The following LRRC4C variants were observed in gnomAD, a reference collection of about 807,000 sequenced individuals.
LRRC4C encodes the protein leucine rich repeat containing 4C.
LRRC4C carries 5 observed loss-of-function variants against 33.6 expected under a neutral mutation model. The observed-to-expected ratio is 0.15, with a 90% CI of 0.08 to 0.31. The LOEUF (loss-of-function observed/expected upper bound fraction) is 0.31, where lower values mean the gene tolerates loss of function less well. Ranked by LOEUF, LRRC4C falls within the 10% of genes least tolerant of loss-of-function variation. LRRC4C has a pLI of 1.00. For missense variants in LRRC4C, 560 were observed against 796.7 expected (o/e 0.70, Z 3.58); for synonymous variants, 329 against 302.0 (o/e 1.09, Z -0.93).
chr11:40,940,477 A>G (rs1219881624), intron 1 of LRRC4C, among the ~76,000 whole-genome samples: 2 of 152,084 alleles, frequency 1.3e-5, no homozygotes, highest in African/African-American at 2.4e-5. Flanking sequence ...TTTCTTGCCT[A>G]TGTTCTTAGA....
intron 5 of LRRC4C, among the ~76,000 whole-genome samples, chr11:40,192,332 G>A (rs1441360170): frequency 1.3e-5 from 2 of 152,122 alleles, no homozygotes; most frequent in Non-Finnish European, 1.5e-5. Context: ...CAGAAGCAGG[G>A]TTGGGCATCG....
chr11:41,164,999 A>G (rs1187479696), intron 1 of LRRC4C, among the ~76,000 whole-genome samples: 3 of 152,084 alleles, frequency 2.0e-5, no homozygotes, highest in African/African-American at 7.2e-5. Flanking sequence ...GCTCTCCATT[A>G]TCTCAAGTAG....
chr11:40,318,939 C>T (rs969551263), intron 4 of LRRC4C, among the ~76,000 whole-genome samples: 1 of 152,134 alleles, frequency 6.6e-6, no homozygotes, highest in African/African-American at 2.4e-5. Flanking sequence ...TAGAATATTT[C>T]TTCTTAAAGC....
intron 1 of LRRC4C, among the ~76,000 whole-genome samples, chr11:41,262,829 A>G (rs1444251514): frequency 1.3e-5 from 2 of 152,134 alleles, no homozygotes; most frequent in Non-Finnish European, 2.9e-5. Flanking sequence ...TGGCTCTCAG[A>G]GGAACTCAAT....
chr11:40,962,163 A>T (rs748656254), intron 1 of LRRC4C, among the ~76,000 whole-genome samples: 2 of 151,592 alleles, frequency 1.3e-5, no homozygotes, highest in African/African-American at 2.4e-5. Flanking sequence ...CCCGCATCAG[A>T]GAGAGATACA....
rs57515808 is a variant in LRRC4C at position 40,828,152 on chromosome 11, TACAC to T, written c.-407+105479_-407+105482del. 2.1e-3 allele frequency among the ~76,000 whole-genome samples: 310 copies of T among 146,934 alleles called. 2 individuals carry two copies. Among genetic ancestry groups the T allele is most frequent in the African/African-American group, 6.5e-3 (262 of 40,356 alleles). On this transcript the variant is annotated intron_variant, in intron 2 of 6. Transcript: ENST00000528697. ...CCTTTATTTTGTATGTATACAAACA[TACAC>T]ACACACACACACACACACACACTCA...
chr11:41,125,429 T>G (rs1416336646), intron 1 of LRRC4C, among the ~76,000 whole-genome samples: 1 of 152,200 alleles, frequency 6.6e-6, no homozygotes, highest in East Asian at 1.9e-4. Flanking sequence ...TGCCTATTTT[T>G]GTCTGAAACA....
Position 40,760,242 on chromosome 11 carries a change from G to T in LRRC4C, c.-406-111964C>A, listed in dbSNP as rs547407486. On this transcript the variant is annotated intron_variant, in intron 2 of 6. Coordinates refer to ENST00000528697, the MANE Select transcript of LRRC4C (RefSeq NM_001258419.2). The stretch of plus-strand genomic sequence containing the variant: ...ATTTTGTGACATTGAGTAATTTTAT[G>T]AAATTCAGATATCAGTATCCATAAC... Among the ~76,000 whole-genome samples the T allele has an allele frequency of 9.9e-5, 15 of 152,050 alleles. No homozygotes were observed. In the South Asian group the frequency reaches 3.1e-3, roughly 32 times the overall value.
intron 1 of LRRC4C, among the ~76,000 whole-genome samples, chr11:41,202,520 A>C (rs1314919085): frequency 6.6e-6 from 1 of 152,136 alleles, no homozygotes; most frequent in Non-Finnish European, 1.5e-5. Context: ...TATCTTAGGA[A>C]TCTTTACATG....
At chr11:41,314,210 C>T (rs1017657463) in intron 1 of LRRC4C, among the ~76,000 whole-genome samples, 5 of 152,148 alleles carry the variant, frequency 3.3e-5, no homozygotes, top group African/African-American at 4.8e-5. Context: ...TTGCTGAATT[C>T]CTCTTACCAA....
intron 2 of LRRC4C, among the ~76,000 whole-genome samples, chr11:40,806,743 T>C (rs1403336414): frequency 6.6e-6 from 1 of 152,332 alleles, no homozygotes; most frequent in South Asian, 2.1e-4. Flanking sequence ...TTCATTTTAG[T>C]CCCAGAAATG....
chr11:41,158,103 A>T (rs1323778478), intron 1 of LRRC4C, among the ~76,000 whole-genome samples: 2 of 151,954 alleles, frequency 1.3e-5, no homozygotes. Flanking sequence ...TCACGAGTTA[A>T]CACTTTTATT....
chr11:40,483,190 G>A (rs904146583), intron 3 of LRRC4C, among the ~76,000 whole-genome samples: 26 of 152,170 alleles, frequency 1.7e-4, no homozygotes, highest in African/African-American at 6.3e-4. Flanking sequence ...AGAAAATCTC[G>A]AGGAGCACTG....
intron 2 of LRRC4C, among the ~76,000 whole-genome samples, chr11:40,723,639 C>A (rs1274711996): frequency 6.6e-6 from 1 of 152,060 alleles, no homozygotes; most frequent in Non-Finnish European, 1.5e-5. Context: ...AAAAATTACA[C>A]CTCCTACCAC....
At chr11:40,707,431 T>A (rs989817717) in intron 2 of LRRC4C, among the ~76,000 whole-genome samples, 1 of 152,230 alleles carries the variant, frequency 6.6e-6, no homozygotes, top group South Asian at 2.1e-4. Context: ...GGCTGTTGAA[T>A]TTTGTTGAAG....
chr11:40,654,339 C>T (rs997320920), intron 2 of LRRC4C, among the ~76,000 whole-genome samples: 15 of 152,306 alleles, frequency 9.8e-5, no homozygotes, highest in Admixed American at 3.9e-4. Context: ...GGGAGGGCTG[C>T]TATTCCCTGC....
intron 2 of LRRC4C, among the ~76,000 whole-genome samples, chr11:40,788,310 C>A (rs1321364758): frequency 6.6e-6 from 1 of 151,190 alleles, no homozygotes; most frequent in Non-Finnish European, 1.5e-5. Flanking sequence ...ATTTTTTTTT[C>A]TTCCTCCTCC....
chr11:40,662,416 C>G (rs1384618544), intron 2 of LRRC4C, among the ~76,000 whole-genome samples: 2 of 152,146 alleles, frequency 1.3e-5, no homozygotes, highest in South Asian at 2.1e-4. Flanking sequence ...GTTATAGCTG[C>G]TCTCAGGAAG....
At chr11:40,182,023 C>T (rs2135527385) in intron 5 of LRRC4C, among the ~76,000 whole-genome samples, 1 of 152,300 alleles carries the variant, frequency 6.6e-6, no homozygotes, top group South Asian at 2.1e-4. Flanking sequence ...CTCTCCCTCT[C>T]TCTCTTATTA....
Sources: gnomAD v4.1 joint callset for allele counts (sites outside exome capture counted in the v4.1 genomes callset) on GRCh38, gnomAD v4.1.1 for gene constraint, MANE v1.5 for transcripts, NCBI Gene and HGNC (gene_info 2026-07-23, HGNC 2026-07-21) for gene names.